The following UGT1A8 variants were observed in gnomAD, a reference collection of about 807,000 sequenced individuals.
UGT1A8 encodes the protein UDP glucuronosyltransferase family 1 member A8.
A neutral mutation model predicts 45.3 loss-of-function variants in UGT1A8; 39 were observed. The observed-to-expected ratio is 0.86, with a 90% CI of 0.67 to 1.12. The LOEUF (loss-of-function observed/expected upper bound fraction) is 1.12, where lower values mean the gene tolerates loss of function less well. Among genes scored for constraint, UGT1A8 ranks in the 50% most tolerant of loss-of-function variants. UGT1A8 has a pLI of 0.00. For synonymous variants in UGT1A8, 275 were observed against 249.2 expected (o/e 1.10, Z -0.97); for missense variants, 719 against 664.9 (o/e 1.08, Z -0.90).
At chr2:233,688,422 C>T (rs1255544114) in intron 1 of UGT1A8, among the ~76,000 whole-genome samples, 1 of 152,236 alleles carries the variant, frequency 6.6e-6, no homozygotes, top group Non-Finnish European at 1.5e-5. Context: ...ATGTGCCTAA[C>T]CTCTATACCT....
rs1410118930 is a variant in UGT1A8 at position 233,618,387 on chromosome 2, C to A, written c.680C>A (p.Ala227Asp). The stretch of plus-strand genomic sequence containing the variant: ...TTTTGCCAGTATTTTTCCAAAAATG[C>A]CCTAGAAATAGCCTCTGAAATTCTC... Reference protein sequence around the residue: ...HLFCQYFSKNALEIASEILQT... With the variant: ...HLFCQYFSKNDLEIASEILQT... The change falls in exon 1 of 5, where the codon GCC becomes GAC. Residue 227 changes from alanine (A) to aspartate (D), a missense_variant. Transcript: ENST00000373450. The A allele has an allele frequency of 6.8e-6, 11 of 1,613,866 alleles. No individual in the cohort carries two copies. The highest frequency in any genetic ancestry group is 9.3e-6 in the Non-Finnish European group (11 of 1,179,856).
chr2:233,727,233 T>C (rs17864698), intron 1 of UGT1A8, among the ~76,000 whole-genome samples: 72 of 152,246 alleles, frequency 4.7e-4, no homozygotes, highest in Non-Finnish European at 7.8e-4. Context: ...TGCGGATGGC[T>C]CCAAGTCTAT....
At chr2:233,660,056 A>G (rs1205085775) in intron 1 of UGT1A8, among the ~76,000 whole-genome samples, 1 of 152,090 alleles carries the variant, frequency 6.6e-6, no homozygotes, top group African/African-American at 2.4e-5. Context: ...CATATCCACA[A>G]TTTCTTTCAT....
chr2:233,755,029 T>TGCC (rs1403336975), intron 1 of UGT1A8: 1 of 1,312,020 alleles, frequency 7.6e-7, no homozygotes, highest in Admixed American at 1.9e-5. Flanking sequence ...TTGAAGGGCC[T>TGCC]GCCGCCTGCG....
chr2:233,750,073 G>A (rs535406029), intron 1 of UGT1A8, among the ~76,000 whole-genome samples: 50 of 151,996 alleles, frequency 3.3e-4, no homozygotes, highest in East Asian at 3.9e-4. Flanking sequence ...CTGGGTAACA[G>A]GCAGAGGTTG....
intron 1 of UGT1A8, chr2:233,753,586 C>G (rs1242811464): frequency 6.6e-6 from 1 of 152,168 alleles, no homozygotes; most frequent in Admixed American, 6.5e-5. Context: ...GATGGACTAC[C>G]CCAAGGCAAT....
At chr2:233,618,982 A>C (rs2125446988) in intron 1 of UGT1A8, among the ~76,000 whole-genome samples, 1 of 152,292 alleles carries the variant, frequency 6.6e-6, no homozygotes, top group Middle Eastern at 3.4e-3. Flanking sequence ...TATTTAGCCC[A>C]CGTTTTTGAG....
intron 1 of UGT1A8, among the ~76,000 whole-genome samples, chr2:233,634,913 T>C (rs1482415682): frequency 6.6e-6 from 1 of 150,904 alleles, no homozygotes. Context: ...TCCTGACAAT[T>C]GGGTATGTTT....
intron 1 of UGT1A8, among the ~76,000 whole-genome samples, chr2:233,661,623 T>TTTTCTTTCTTTCTTTTCTTTTC (rs1265546183): frequency 1.6e-5 from 2 of 123,952 alleles, no homozygotes; most frequent in Non-Finnish European, 3.3e-5. Flanking sequence ...ACTTACTGAA[T>TTTTCTTTCTTTCTTTTCTTTTC]TTTCTTTCTT....
At chr2:233,672,110 T>G (rs769146316) in intron 1 of UGT1A8, 165 of 1,614,060 alleles carry the variant, frequency 1.0e-4, no homozygotes, top group Non-Finnish European at 1.3e-4. Flanking sequence ...GTTGTAGTCA[T>G]GCCAGAGGTG....
chr2:233,739,303 T>C (rs1302009262), intron 1 of UGT1A8, among the ~76,000 whole-genome samples: 34 of 152,248 alleles, frequency 2.2e-4, no homozygotes, highest in Non-Finnish European at 1.2e-4. Context: ...GGGCACTGCC[T>C]AGTGGAGTTG....
rs34681509 is a variant in UGT1A8 at position 233,762,717 on chromosome 2, GT to G, written c.856-4305del. On this transcript the variant is annotated intron_variant, in intron 1 of 4. Transcript: ENST00000373450. ...CATCTTTTCTTAAGTATTTTACACGGTTTTTTTTTTTTGGTCACTACTGTGA... is the reference window on the plus strand; with the variant it reads ...CATCTTTTCTTAAGTATTTTACACGGTTTTTTTTTTTGGTCACTACTGTGA... Among the ~76,000 whole-genome samples the G allele has an allele frequency of 9.0e-3, 1,271 of 141,024 alleles. 11 individuals carry two copies. The highest frequency in any genetic ancestry group is 0.017 in the Admixed American group (234 of 14,104). The allele number at this position is 141,024 out of a possible 152,430, so 92.5% of individuals were successfully genotyped here.
intron 1 of UGT1A8, among the ~76,000 whole-genome samples, chr2:233,631,190 A>C (rs111401643): frequency 0.042 from 6,429 of 152,296 alleles, 161 homozygotes; most frequent in Non-Finnish European, 0.061. Flanking sequence ...TAATGGCTGC[A>C]TAGTATTCCA....
At position 233,625,475 on chromosome 2, in the gene UGT1A8, A is replaced by C. The variant is rs1264411050; in HGVS notation, c.855+6913A>C. 1.3e-5 allele frequency among the ~76,000 whole-genome samples: 2 copies of C among 152,142 alleles called. 1 individual carries two copies. Among genetic ancestry groups the C allele is most frequent in the East Asian group, 3.8e-4 (2 of 5,198 alleles). ...TATATATTAAAAAAATCATTTTACCAAGAAACACATGCACTGGTATGTTCA... is the reference window on the plus strand; with the variant it reads ...TATATATTAAAAAAATCATTTTACCCAGAAACACATGCACTGGTATGTTCA... On this transcript the variant is annotated intron_variant, in intron 1 of 4. Coordinates refer to ENST00000373450, the MANE Select transcript of UGT1A8 (RefSeq NM_019076.5).
rs765612353 is a variant in UGT1A8 at position 233,772,386 on chromosome 2, G to T, written c.1420G>T (p.Ala474Ser). The T allele has an allele frequency of 6.2e-7, 1 of 1,614,110 alleles. No homozygotes were observed. Among genetic ancestry groups the T allele is most frequent in the Non-Finnish European group, 8.5e-7 (1 of 1,180,046 alleles). The change falls in exon 5 of 5, where the codon GCA becomes TCA. Residue 474 changes from alanine (A) to serine (S), a missense_variant. Coordinates refer to ENST00000373450, the MANE Select transcript of UGT1A8 (RefSeq NM_019076.5). Reference sequence around the variant, plus strand: ...CAAGGGCGCGCCACACCTGCGCCCCGCAGCCCACGACCTCACCTGGTACCA... The same window carrying T: ...CAAGGGCGCGCCACACCTGCGCCCCTCAGCCCACGACCTCACCTGGTACCA... ...RHKGAPHLRP[A>S]AHDLTWYQYH...
intron 1 of UGT1A8, among the ~76,000 whole-genome samples, chr2:233,733,838 T>C (rs1373301962): frequency 1.3e-5 from 2 of 152,026 alleles, no homozygotes; most frequent in Non-Finnish European, 2.9e-5. Context: ...TTAGGGAGGA[T>C]TCCCTCTTTT....
chr2:233,632,298 G>C (rs2073203434), intron 1 of UGT1A8, among the ~76,000 whole-genome samples: 1 of 152,152 alleles, frequency 6.6e-6, no homozygotes, highest in Non-Finnish European at 1.5e-5. Context: ...TTTTTGCTTA[G>C]GATTGTCTTG....
chr2:233,665,254 G>T (rs2074049224), intron 1 of UGT1A8, among the ~76,000 whole-genome samples: 1 of 152,162 alleles, frequency 6.6e-6, no homozygotes, highest in Non-Finnish European at 1.5e-5. Context: ...ATTTAATGTA[G>T]TTTTTTCAAC....
rs139110841 is a variant in UGT1A8, at chr2:233,729,282, T to C, written c.856-37752T>C. 648 of 1,614,246 alleles carry C rather than the reference T, an allele frequency of 4.0e-4. 1 individual carries two copies. In the Middle Eastern group the frequency reaches 4.5e-3, roughly 11 times the overall value. ...TGCGGGAGGTCTTGCGGGAGCTCCA[T>C]GCCAGAGGCCACCAGGCAGTGGTCC... On this transcript the variant is annotated intron_variant, in intron 1 of 4. Transcript: ENST00000373450.
Sources: allele counts gnomAD v4.1 joint callset (sites outside exome capture counted in the v4.1 genomes callset), GRCh38; gene constraint gnomAD v4.1.1; transcripts MANE v1.5; gene names NCBI Gene and HGNC (gene_info 2026-07-23, HGNC 2026-07-21).